MOG: variants seen among roughly 807,000 people sequenced by gnomAD.
The protein encoded by MOG is myelin oligodendrocyte glycoprotein.
A neutral mutation model predicts 35.9 loss-of-function variants in MOG; 20 were observed. The observed-to-expected ratio is 0.56, with a 90% CI of 0.39 to 0.81. The LOEUF (loss-of-function observed/expected upper bound fraction) is 0.81, where lower values mean the gene tolerates loss of function less well. Ranked by LOEUF, MOG falls within the 30% of genes least tolerant of loss-of-function variation. MOG has a pLI of 0.00. For missense variants in MOG, 251 were observed against 301.0 expected (o/e 0.83, Z 1.23); for synonymous variants, 92 against 114.3 (o/e 0.80, Z 1.25).
In MOG at chr6:29,670,082, T is replaced by C. The variant is rs147203031; in HGVS notation, c.593-199T>C. The stretch of plus-strand genomic sequence containing the variant: ...CCACACCTGGCAGTTGTTACATTTT[T>C]AATGAAAGAAAATGTTAAATCCAGT... On this transcript the variant is annotated intron_variant, in intron 5 of 7. Transcript: ENST00000376917. The surrounding 1 kb of genome is among the most constrained non-coding windows in gnomAD (Gnocchi z 4.2). 2,400 of 949,532 alleles carry C rather than the reference T, an allele frequency of 2.5e-3. 82 individuals are homozygous for C. The Admixed American group carries it at 0.043, about 17-fold the overall frequency. 58.8% of individuals were successfully genotyped at this position (949,532 alleles called of 1,614,324 possible).
rs201927104 is a variant in MOG at position 29,657,202 on chromosome 6, C to T, written c.-8C>T. The T allele has an allele frequency of 6.2e-7, 1 of 1,602,046 alleles. No individual in the cohort carries two copies. Among genetic ancestry groups the T allele is most frequent in the Admixed American group, 1.7e-5 (1 of 59,956 alleles). ...TGCGGGGGCTCTCTGTCCCCAGGAA[C>T]AGTAGAGATGGCAAGCTTATCAAGA... is the stretch of plus-strand genomic sequence containing the variant. On this transcript the variant is annotated 5_prime_UTR_variant, in exon 1 of 8. Transcript: ENST00000376917.
At position 29,662,699 on chromosome 6, in the gene MOG, G is replaced by T. The variant is rs1027970312; in HGVS notation, c.436+3033G>T. Among the ~76,000 whole-genome samples, 2 of 151,898 alleles carry T rather than the reference G, an allele frequency of 1.3e-5. No individual in the cohort carries two copies. The highest frequency in any genetic ancestry group is 2.9e-5 in the Non-Finnish European group (2 of 67,972). Reference sequence around the variant, plus strand: ...TTATTTTGAGACAGGATCTGTCTCTGTCACCCAGGCTGGAGTGTAGTGGCA... The same window carrying T: ...TTATTTTGAGACAGGATCTGTCTCTTTCACCCAGGCTGGAGTGTAGTGGCA... On this transcript the variant is annotated intron_variant, in intron 2 of 7. Transcript: ENST00000376917. The surrounding 1 kb of genome is among the most constrained non-coding windows in gnomAD (Gnocchi z 4.2).
intron 2 of MOG, chr6:29,661,969 G>A (rs1342642529): frequency 2.0e-6 from 2 of 985,208 alleles, no homozygotes; most frequent in East Asian, 1.1e-4. Flanking sequence ...TGTTTTACAA[G>A]TAAATAAGGG....
In MOG at chr6:29,659,626, T is replaced by C. The variant is rs1445591170; in HGVS notation, c.396T>C (p.His132=). ...GTTTCACCTGCTTCTTCCGAGATCA[T>C]TCTTACCAAGAGGAGGCAGCAATGG... ...EGGFTCFFRD[H]SYQEEAAMEL... Residue 132 remains histidine, a synonymous_variant, in exon 2 of 8, where the codon CAT becomes CAC. Transcript: ENST00000376917. The C allele has an allele frequency of 1.2e-6, 2 of 1,613,150 alleles. No individual in the cohort carries two copies. Among genetic ancestry groups the C allele is most frequent in the East Asian group, 2.2e-5 (1 of 44,888 alleles).
chr6:29,666,486 C>T (rs1185742140), intron 3 of MOG, among the ~76,000 whole-genome samples: 1 of 152,172 alleles, frequency 6.6e-6, no homozygotes, highest in Non-Finnish European at 1.5e-5. Context: ...TATGAGCTAA[C>T]TATGCCATAT....
intron 2 of MOG, chr6:29,661,455 C>T: frequency 1.0e-6 from 1 of 985,358 alleles, no homozygotes; most frequent in Non-Finnish European, 1.2e-6. Flanking sequence ...AGATTTTTCT[C>T]CTTCCTGCTC....
intron 1 of MOG, among the ~76,000 whole-genome samples, chr6:29,658,364 A>G (rs1307374155): frequency 6.6e-6 from 1 of 151,882 alleles, no homozygotes. Flanking sequence ...TGAGAAACAC[A>G]TCCACATAGA....
intron 7 of MOG, 49 bp from the exon 8 acceptor site, chr6:29,671,123 A>T (rs145105527): frequency 1.9e-6 from 3 of 1,612,790 alleles, no homozygotes; most frequent in Non-Finnish European, 2.5e-6. Flanking sequence ...TGGTTTTATG[A>T]TACAAACTAC....
At chr6:29,661,369 G>A (rs1768693887) in intron 2 of MOG, 1 of 985,210 alleles carries the variant, frequency 1.0e-6, no homozygotes. Flanking sequence ...GTCTCAGAAT[G>A]TTCTTCATAC....
At chr6:29,660,562 GCACACACACA>G (rs35514085) in intron 2 of MOG, among the ~76,000 whole-genome samples, 2 of 129,174 alleles carry the variant, frequency 1.5e-5, no homozygotes, top group African/African-American at 3.0e-5. Context: ...ATTTGTGAGC[GCACACACACA>G]CACACACACA....
chr6:29,666,117 T>C, intron 2 of MOG, 35 bp from the exon 3 acceptor site: 1 of 1,368,120 alleles, frequency 7.3e-7, no homozygotes, highest in South Asian at 1.2e-5. Flanking sequence ...GGGATTCAGC[T>C]CTGGACAATG....
rs1220863640 is a variant in MOG at position 29,670,197 on chromosome 6, C to T, written c.593-84C>T. ...AGAGTCCTTTGGTGTTCTAGGACCC[C>T]AGGTTAAGGAACCAAAAAAGACAGG... is the stretch of plus-strand genomic sequence containing the variant. On this transcript the variant is annotated intron_variant, in intron 5 of 7. Coordinates refer to ENST00000376917, the MANE Select transcript of MOG (RefSeq NM_206809.4). The surrounding 1 kb of genome is among the most constrained non-coding windows in gnomAD (Gnocchi z 4.2). 1 of 1,614,042 alleles carries T rather than the reference C, an allele frequency of 6.2e-7. No individual in the cohort carries two copies. The highest frequency in any genetic ancestry group is 8.5e-7 in the Non-Finnish European group (1 of 1,179,934).
At chr6:29,663,899 AC>A (rs1769514315) in intron 2 of MOG, 1 of 960,470 alleles carries the variant, frequency 1.0e-6, no homozygotes, top group African/African-American at 1.8e-5. Flanking sequence ...TACCTAAGCA[AC>A]CCTCCTGGAC....
At chr6:29,668,394 GC>G (rs1770688313) in intron 5 of MOG, among the ~76,000 whole-genome samples, 1 of 152,122 alleles carries the variant, frequency 6.6e-6, no homozygotes, top group Non-Finnish European at 1.5e-5. Flanking sequence ...AAGCCACCAA[GC>G]CCCACTAGGA....
chr6:29,669,863 C>T (rs1771073317), intron 5 of MOG, among the ~76,000 whole-genome samples: 1 of 150,962 alleles, frequency 6.6e-6, no homozygotes, highest in Admixed American at 6.6e-5. Flanking sequence ...CTCCGCCTCC[C>T]AGGTTCAAGC....
intron 5 of MOG, among the ~76,000 whole-genome samples, chr6:29,668,552 C>A (rs57637386): frequency 0.07 from 10,595 of 152,228 alleles, 508 homozygotes; most frequent in Middle Eastern, 0.14. Flanking sequence ...ACAGATGGTA[C>A]CTTCTCTGAG....
At chr6:29,660,590 C>CT (rs1562183017) in intron 2 of MOG, among the ~76,000 whole-genome samples, 3 of 141,030 alleles carry the variant, frequency 2.1e-5, no homozygotes, top group Non-Finnish European at 3.0e-5. Context: ...ACACACACAC[C>CT]TGTGCTTGGT....
intron 2 of MOG, among the ~76,000 whole-genome samples, chr6:29,663,147 C>T (rs1055496208): frequency 6.6e-6 from 1 of 151,670 alleles, no homozygotes; most frequent in Non-Finnish European, 1.5e-5. Flanking sequence ...GTGGCAGGCG[C>T]CTGTAGTCCC....
At chr6:29,661,424 G>A in intron 2 of MOG, 1 of 985,350 alleles carries the variant, frequency 1.0e-6, no homozygotes, top group Non-Finnish European at 1.2e-6. Flanking sequence ...AAGTTTGATA[G>A]TGAGACCCTC....
Sources: allele counts gnomAD v4.1 joint callset (sites outside exome capture counted in the v4.1 genomes callset), GRCh38; gene constraint gnomAD v4.1.1; non-coding constraint Gnocchi (gnomAD v3.1); transcripts MANE v1.5; gene names NCBI Gene and HGNC (gene_info 2026-07-23, HGNC 2026-07-21).